The following FERMT2 variants were observed in gnomAD, a reference collection of about 807,000 sequenced individuals.
FERMT2 encodes the protein FERM domain containing kindlin 2, also known as fermitin family homolog 2.
In FERMT2, 15 loss-of-function variants were observed where a neutral mutation model predicts 82.7. The ratio of observed to expected loss-of-function variants is 0.18; its 90% CI spans 0.12 to 0.28. The LOEUF (loss-of-function observed/expected upper bound fraction) is 0.28. Among genes scored for constraint, FERMT2 ranks in the 10% least tolerant of loss-of-function variants. FERMT2 has a pLI of 1.00. For synonymous variants in FERMT2, 274 were observed against 271.5 expected (o/e 1.01, Z -0.09); for missense variants, 645 against 809.4 (o/e 0.80, Z 2.46).
rs138744956 is a variant in FERMT2 at position 52,946,759 on chromosome 14, G to A, written c.157+3653C>T. Among the ~76,000 whole-genome samples, 420 of 151,910 alleles carry A rather than the reference G, an allele frequency of 2.8e-3. 3 individuals carry two copies. Among genetic ancestry groups the A allele is most frequent in the African/African-American group, 9.6e-3 (396 of 41,428 alleles). Reference sequence around the variant, plus strand: ...GTGATTTTGGCTCACTGCAACCTCCGCCTCCCAGGTTCAAGTGATTCTCCT... The same window carrying A: ...GTGATTTTGGCTCACTGCAACCTCCACCTCCCAGGTTCAAGTGATTCTCCT... On this transcript the variant is annotated intron_variant, in intron 2 of 14. Transcript: ENST00000341590.
chr14:52,940,480 G>A (rs1239766912), intron 2 of FERMT2, among the ~76,000 whole-genome samples: 1 of 152,128 alleles, frequency 6.6e-6, no homozygotes, highest in Non-Finnish European at 1.5e-5. Context: ...TCAAAGAAGG[G>A]AAATAGATCA....
chr14:52,881,812 G>A (rs1335519893), intron 4 of FERMT2: 3 of 1,299,984 alleles, frequency 2.3e-6, no homozygotes, highest in Non-Finnish European at 3.0e-6. Flanking sequence ...GAGGGCCAAT[G>A]TAAAGAACAT....
chr14:52,914,652 G>A (rs1476741975), intron 3 of FERMT2, among the ~76,000 whole-genome samples: 1 of 152,174 alleles, frequency 6.6e-6, no homozygotes, highest in African/African-American at 2.4e-5. Flanking sequence ...GGGCATGGTG[G>A]CTCATGCCTG....
At chr14:52,859,521 C>A in intron 14 of FERMT2, 52 bp downstream of exon 14, 1 of 1,440,108 alleles carries the variant, frequency 6.9e-7, no homozygotes, top group Non-Finnish European at 9.2e-7. Flanking sequence ...TCTTAATGTA[C>A]TAATTTGTAT....
chr14:52,874,095 T>A, intron 9 of FERMT2, 82 bp downstream of exon 9: 1 of 889,376 alleles, frequency 1.1e-6, no homozygotes, highest in Non-Finnish European at 1.7e-6. Context: ...TTAGTCAAAC[T>A]TAACAGTTAG....
chr14:52,880,955 A>G, intron 6 of FERMT2, 81 bp downstream of exon 6: 1 of 848,378 alleles, frequency 1.2e-6, no homozygotes, highest in Non-Finnish European at 1.8e-6. Context: ...TCCTTATTCC[A>G]CCGACTTCCA....
rs1378553949 is a variant in FERMT2 at position 52,920,263 on chromosome 14, C to T, written c.158-907G>A. 5.9e-5 allele frequency among the ~76,000 whole-genome samples: 9 copies of T among 152,236 alleles called. No individual in the cohort carries two copies. The East Asian group carries it at 1.7e-3, about 29-fold the overall frequency. On this transcript the variant is annotated intron_variant, in intron 2 of 14. Transcript: ENST00000341590. ...TCAAAGTAAAGACTGCTGGGATCAA[C>T]TGTATGTTAAACTTACTAAGTGCCA...
chr14:52,891,307 T>C (rs1262996666), intron 4 of FERMT2, among the ~76,000 whole-genome samples: 3 of 152,238 alleles, frequency 2.0e-5, no homozygotes, highest in Non-Finnish European at 4.4e-5. Flanking sequence ...GGAATTGTTT[T>C]CTGAATTTCA....
chr14:52,912,888 T>C (rs1440123323), intron 3 of FERMT2, among the ~76,000 whole-genome samples: 1 of 152,218 alleles, frequency 6.6e-6, no homozygotes, highest in Non-Finnish European at 1.5e-5. Context: ...TTTTTTCCTC[T>C]TATTCATTCA....
chr14:52,893,479 TACA>T, intron 3 of FERMT2, 52 bp from the exon 4 acceptor site: 1 of 1,321,290 alleles, frequency 7.6e-7, no homozygotes, highest in South Asian at 1.4e-5. Context: ...TTAAACATTT[TACA>T]CTTAGTAAAT....
intron 7 of FERMT2, among the ~76,000 whole-genome samples, chr14:52,877,526 G>A (rs1419695693): frequency 7.3e-6 from 1 of 137,140 alleles, no homozygotes; most frequent in Non-Finnish European, 1.5e-5. Flanking sequence ...ATGCTTCTTT[G>A]CCACTCCTTT....
At chr14:52,925,121 T>C (rs959102113) in intron 2 of FERMT2, among the ~76,000 whole-genome samples, 2 of 152,204 alleles carry the variant, frequency 1.3e-5, no homozygotes, top group African/African-American at 4.8e-5. Flanking sequence ...CTGCTCAGAC[T>C]ATCACAAGAA....
At chr14:52,884,153 T>A (rs1366332276) in intron 4 of FERMT2, among the ~76,000 whole-genome samples, 1 of 152,252 alleles carries the variant, frequency 6.6e-6, no homozygotes, top group East Asian at 1.9e-4. Flanking sequence ...ATCACTTCGT[T>A]GTTCTTATTT....
intron 2 of FERMT2, among the ~76,000 whole-genome samples, chr14:52,945,910 A>G (rs1890329947): frequency 6.6e-6 from 1 of 152,170 alleles, no homozygotes; most frequent in African/African-American, 2.4e-5. Flanking sequence ...CTTGGTATTT[A>G]GCGTCTGCCA....
At chr14:52,865,488 C>T (rs1393758311) in intron 10 of FERMT2, among the ~76,000 whole-genome samples, 1 of 152,152 alleles carries the variant, frequency 6.6e-6, no homozygotes, top group East Asian at 1.9e-4. Context: ...CTTTCTTTGT[C>T]ACTTATTAAT....
At chr14:52,890,119 C>CA (rs772600306) in intron 4 of FERMT2, among the ~76,000 whole-genome samples, 5,533 of 105,926 alleles carry the variant, frequency 0.052, 152 homozygotes, top group African/African-American at 0.11. Context: ...GACTGTGTCT[C>CA]AAAAAAAAAA....
intron 4 of FERMT2, among the ~76,000 whole-genome samples, chr14:52,886,832 T>C (rs899163414): frequency 1.3e-5 from 2 of 151,952 alleles, no homozygotes; most frequent in African/African-American, 2.4e-5. Flanking sequence ...TGAGAAGGAG[T>C]AGCCAGGGAA....
At chr14:52,862,514 A>G (rs887285608) in intron 12 of FERMT2, 6 of 152,306 alleles carry the variant, frequency 3.9e-5, no homozygotes, top group Non-Finnish European at 5.9e-5. Context: ...CAAAAAATAC[A>G]AAAATTAGCC....
At chr14:52,928,329 T>C (rs1031911673) in intron 2 of FERMT2, 1 of 163,832 alleles carries the variant, frequency 6.1e-6, no homozygotes, top group Non-Finnish European at 1.3e-5. Context: ...AATATTGTAA[T>C]TCTCTGTACC....
Sources: allele counts gnomAD v4.1 joint callset (sites outside exome capture counted in the v4.1 genomes callset), GRCh38; gene constraint gnomAD v4.1.1; transcripts MANE v1.5; gene names NCBI Gene and HGNC (gene_info 2026-07-23, HGNC 2026-07-21).